SCUBE3: variants seen among roughly 807,000 people sequenced by gnomAD.
SCUBE3 encodes the protein signal peptide, CUB and EGF-like domain-containing protein 3.
SCUBE3 carries 33 observed loss-of-function variants against 116.8 expected under a neutral mutation model. The ratio of observed to expected loss-of-function variants is 0.28; its 90% CI spans 0.21 to 0.38. The LOEUF is 0.38. SCUBE3 is among the 10% of genes least tolerant of loss of function. SCUBE3 has a pLI of 1.00. For missense variants in SCUBE3, 1,007 were observed against 1,324.8 expected (o/e 0.76, Z 3.72); for synonymous variants, 418 against 496.9 (o/e 0.84, Z 2.11).
rs1169556783 is a variant in SCUBE3, at chr6:35,231,078, T to G, written c.335-647T>G. Among the ~76,000 whole-genome samples the G allele has an allele frequency of 6.6e-6, 1 of 151,958 alleles. No homozygotes were observed. Among genetic ancestry groups the G allele is most frequent in the South Asian group, 2.1e-4 (1 of 4,812 alleles). On this transcript the variant is annotated intron_variant, in intron 3 of 21. Transcript: ENST00000274938. The surrounding 1 kb of genome is among the most constrained non-coding windows in gnomAD (Gnocchi z 4.2). Reference sequence around the variant, plus strand: ...TCTCCCCAGATCCCTCCCCGCCAAGTTGTCAGACTTTGTTTTGTTAAGCCA... The same window carrying G: ...TCTCCCCAGATCCCTCCCCGCCAAGGTGTCAGACTTTGTTTTGTTAAGCCA...
At chr6:35,248,080 C>G (rs1784420789) in intron 21 of SCUBE3, among the ~76,000 whole-genome samples, 1 of 152,136 alleles carries the variant, frequency 6.6e-6, no homozygotes, top group Admixed American at 6.5e-5. Flanking sequence ...TAAAAGAAAC[C>G]AGAGAAGAGT....
rs1385249824 is a variant in SCUBE3, at chr6:35,249,162, C to T, written c.*457C>T. 5 of 159,214 alleles carry T rather than the reference C, an allele frequency of 3.1e-5. No homozygotes were observed. The allele number at this position is 159,214 out of a possible 1,614,324, so 9.9% of individuals were successfully genotyped here. On this transcript the variant is annotated 3_prime_UTR_variant, in exon 22 of 22. Transcript: ENST00000274938. ...GGCCAAAATGTCCCCTGGCTCTGCT[C>T]CCTAGGGTGATTCTAACAGCCCAGG... is the stretch of plus-strand genomic sequence containing the variant.
chr6:35,236,595 G>A (rs150755119), intron 6 of SCUBE3, among the ~76,000 whole-genome samples: 67 of 152,334 alleles, frequency 4.4e-4, no homozygotes, highest in African/African-American at 1.6e-3. Context: ...CCACACATGG[G>A]CATTTGAGGG....
rs1490240320 is a variant in SCUBE3, at chr6:35,241,080, A to G, written c.1070-61A>G. 2.5e-5 allele frequency: 38 copies of G among 1,525,994 alleles called. No homozygotes were observed. Among genetic ancestry groups the G allele is most frequent in the Non-Finnish European group, 3.0e-5 (34 of 1,123,226 alleles). The allele number at this position is 1,525,994 out of a possible 1,614,324, so 94.5% of individuals were successfully genotyped here. A position where few individuals can be genotyped will look rare whatever the true frequency, so the allele number is the denominator to read the frequency against. On this transcript the variant is annotated intron_variant, in intron 9 of 21. Transcript: ENST00000274938. This position sits in a 1 kb window ranked among gnomAD's most constrained non-coding sequence, Gnocchi z 4.1. ...AACCAAAGGCCCTCACTCACTGCCT[A>G]CTCTCCGGCTCCTCCTCCAACTCCA...
In SCUBE3 at chr6:35,245,824, A is replaced by C. The variant is rs1389007153; in HGVS notation, c.2600-120A>C. 3 of 1,045,204 alleles carry C rather than the reference A, an allele frequency of 2.9e-6. No homozygotes were observed. Among genetic ancestry groups the C allele is most frequent in the East Asian group, 2.4e-5 (1 of 41,966 alleles). 64.7% of individuals were successfully genotyped at this position (1,045,204 alleles called of 1,614,324 possible). A position where few individuals can be genotyped will look rare whatever the true frequency, so the allele number is the denominator to read the frequency against. On this transcript the variant is annotated intron_variant, in intron 19 of 21. Coordinates refer to ENST00000274938, the MANE Select transcript of SCUBE3 (RefSeq NM_152753.4). This position sits in a 1 kb window ranked among gnomAD's most constrained non-coding sequence, Gnocchi z 4.2. ...GTAGGGTGTGTGTATGCGAAGGGGGAGCCTTTGTCAGAATGATTCTCTTGC... is the reference window on the plus strand; with the variant it reads ...GTAGGGTGTGTGTATGCGAAGGGGGCGCCTTTGTCAGAATGATTCTCTTGC...
Position 35,243,890 on chromosome 6 carries a change from C to T in SCUBE3, c.2072-73C>T. 2 of 1,550,484 alleles carry T rather than the reference C, an allele frequency of 1.3e-6. No individual in the cohort carries two copies. The highest frequency in any genetic ancestry group is 3.5e-5 in the Admixed American group (2 of 57,576). On this transcript the variant is annotated intron_variant, in intron 16 of 21. Transcript: ENST00000274938. This position sits in a 1 kb window ranked among gnomAD's most constrained non-coding sequence, Gnocchi z 6.6. ...ACATCCTGTTTGTATACCTTTGTCC[C>T]CTGAGATCGGGTGACCCCATGGGGA... is the stretch of plus-strand genomic sequence containing the variant.
In SCUBE3 at chr6:35,239,623, G is replaced by T. The variant is rs1429195202; in HGVS notation, c.830-129G>T. On this transcript the variant is annotated intron_variant, in intron 7 of 21. Coordinates refer to ENST00000274938, the MANE Select transcript of SCUBE3 (RefSeq NM_152753.4). The surrounding 1 kb of genome is among the most constrained non-coding windows in gnomAD (Gnocchi z 4.1). ...AGAGAAAGAGAAAGAGACAGAGAGAGATCAAGAAGAGGCAGGCCCAGGACT... is the reference window on the plus strand; with the variant it reads ...AGAGAAAGAGAAAGAGACAGAGAGATATCAAGAAGAGGCAGGCCCAGGACT... 5 of 752,954 alleles carry T rather than the reference G, an allele frequency of 6.6e-6. No homozygotes were observed. In the African/African-American group the frequency reaches 9.0e-5, roughly 14 times the overall value. 46.6% of individuals were successfully genotyped at this position (752,954 alleles called of 1,614,324 possible). A position where few individuals can be genotyped will look rare whatever the true frequency, so the allele number is the denominator to read the frequency against.
At chr6:35,225,919 T>A (rs915006552) in intron 1 of SCUBE3, among the ~76,000 whole-genome samples, 1 of 152,214 alleles carries the variant, frequency 6.6e-6, no homozygotes, top group African/African-American at 2.4e-5. Flanking sequence ...GGATATCAAA[T>A]TGTCTTGGTG....
In SCUBE3 at chr6:35,251,964, C is replaced by G. The variant is rs998471806; in HGVS notation, c.*3259C>G. The G allele has an allele frequency of 6.6e-6, 1 of 152,220 alleles. No individual in the cohort carries two copies. The allele number at this position is 152,220 out of a possible 1,614,324, so 9.4% of individuals were successfully genotyped here. A position where few individuals can be genotyped will look rare whatever the true frequency, so the allele number is the denominator to read the frequency against. On this transcript the variant is annotated 3_prime_UTR_variant, in exon 22 of 22. Transcript: ENST00000274938. ...GTATAAATAGGATCCCTTCATGAAG[C>G]AACCCAGAGGCCTCTCTGCAGCGTG...
At chr6:35,242,472 CAG>C in intron 13 of SCUBE3, 148 bp from the exon 14 acceptor site, 1 of 904,002 alleles carries the variant, frequency 1.1e-6, no homozygotes, top group Non-Finnish European at 1.8e-6. Flanking sequence ...AAGGAAGTCC[CAG>C]AATATTCCCC....
In SCUBE3 at chr6:35,245,206, A is replaced by G. The variant is rs1391606012; in HGVS notation, c.2402-22A>G. On this transcript the variant is annotated intron_variant, in intron 18 of 21. Transcript: ENST00000274938. The surrounding 1 kb of genome is among the most constrained non-coding windows in gnomAD (Gnocchi z 4.2). ...TGACTTCCCTTCTCTGTCTTGTTTT[A>G]TCCACTGGGGTTTGGCTGCAGATCG... The G allele has an allele frequency of 3.1e-6, 5 of 1,612,264 alleles. No individual in the cohort carries two copies. The highest frequency in any genetic ancestry group is 3.4e-6 in the Non-Finnish European group (4 of 1,178,344).
At chr6:35,215,408 C>G (rs547905345) in intron 1 of SCUBE3, among the ~76,000 whole-genome samples, 2 of 152,298 alleles carry the variant, frequency 1.3e-5, no homozygotes, top group Middle Eastern at 6.8e-3. Context: ...TCTCCTCCCC[C>G]TTGACCTCTT....
At chr6:35,236,232 G>A (rs2150303448) in intron 6 of SCUBE3, among the ~76,000 whole-genome samples, 1 of 152,300 alleles carries the variant, frequency 6.6e-6, no homozygotes, top group Admixed American at 6.5e-5. Context: ...GCAAAGGGGT[G>A]AGACTATATG....
chr6:35,225,556 G>A (rs540022608), intron 1 of SCUBE3, among the ~76,000 whole-genome samples: 1 of 152,310 alleles, frequency 6.6e-6, no homozygotes, highest in Admixed American at 6.5e-5. Context: ...GAGAGTAAGT[G>A]TAGACAGAGG....
chr6:35,229,477 A>G (rs1165046555), intron 3 of SCUBE3, among the ~76,000 whole-genome samples: 1 of 152,176 alleles, frequency 6.6e-6, no homozygotes, highest in Non-Finnish European at 1.5e-5. Flanking sequence ...AAGACAACAT[A>G]TGAAAAGAGC....
In SCUBE3 at chr6:35,235,778, C is replaced by A. The variant is rs1783744713; in HGVS notation, c.713-2124C>A. Reference sequence around the variant, plus strand: ...CTCCTCCCACACCCACCTTCTAACACCCCACCCCACTCCCAGCCATCTGCT... The same window carrying A: ...CTCCTCCCACACCCACCTTCTAACAACCCACCCCACTCCCAGCCATCTGCT... On this transcript the variant is annotated intron_variant, in intron 6 of 21. Coordinates refer to ENST00000274938, the MANE Select transcript of SCUBE3 (RefSeq NM_152753.4). The surrounding 1 kb of genome is among the most constrained non-coding windows in gnomAD (Gnocchi z 4.5). Among the ~76,000 whole-genome samples the A allele has an allele frequency of 6.6e-6, 1 of 152,074 alleles. No individual in the cohort carries two copies. Among genetic ancestry groups the A allele is most frequent in the Admixed American group, 6.6e-5 (1 of 15,260 alleles).
chr6:35,235,106 C>T lies in SCUBE3; in HGVS notation c.712+1805C>T, dbSNP rs2395614. On this transcript the variant is annotated intron_variant, in intron 6 of 21. Transcript: ENST00000274938. The surrounding 1 kb of genome is among the most constrained non-coding windows in gnomAD (Gnocchi z 4.5). ...AGGCAGTATAGTTTAGCAGAAAGGG[C>T]GGCACCCTTTGGGATTTGGGATTTT... 0.68 allele frequency among the ~76,000 whole-genome samples: 102,956 copies of T among 152,062 alleles called. 37,968 individuals are homozygous for T. The highest frequency in any genetic ancestry group is 0.82 in the Non-Finnish European group (55,612 of 67,962).
chr6:35,250,978 G>A lies in SCUBE3; in HGVS notation c.*2273G>A, dbSNP rs1784533323. ...AGTGTCTGGCTACCTTTGTCTTTCT[G>A]GGTCAAGGAGGGCCACTGTAAAGAT... On this transcript the variant is annotated 3_prime_UTR_variant, in exon 22 of 22. Transcript: ENST00000274938. The A allele has an allele frequency of 6.6e-6, 1 of 152,008 alleles. No homozygotes were observed. The highest frequency in any genetic ancestry group is 1.5e-5 in the Non-Finnish European group (1 of 68,014). The allele number at this position is 152,008 out of a possible 1,614,324, so 9.4% of individuals were successfully genotyped here.
At position 35,237,957 on chromosome 6, in the gene SCUBE3, T is replaced by G; in HGVS notation, c.768T>G (p.Thr256=). ...GCDSKCHDAA[T]GVHCTCPVGF... The stretch of plus-strand genomic sequence containing the variant: ...ACAGTAAGTGCCATGATGCAGCGAC[T>G]GGTGTCCACTGCACCTGCCCTGTGG... Residue 256 remains threonine (T), a synonymous_variant, in exon 7 of 22, where the codon ACT becomes ACG. Transcript: ENST00000274938. 6.2e-7 allele frequency: 1 copy of G among 1,613,180 alleles called. No individual in the cohort carries two copies. Among genetic ancestry groups the G allele is most frequent in the Non-Finnish European group, 8.5e-7 (1 of 1,179,156 alleles).
Sources: allele counts gnomAD v4.1 joint callset (sites outside exome capture counted in the v4.1 genomes callset), GRCh38; gene constraint gnomAD v4.1.1; non-coding constraint Gnocchi (gnomAD v3.1); transcripts MANE v1.5; gene names NCBI Gene and HGNC (gene_info 2026-07-23, HGNC 2026-07-21).